The following FIGN variants were observed in gnomAD, a reference collection of about 807,000 sequenced individuals.
FIGN encodes fidgetin.
FIGN carries 11 observed loss-of-function variants against 51.3 expected under a neutral mutation model. That is an observed-to-expected ratio of 0.21 (90% CI 0.13 to 0.35). FIGN has a LOEUF of 0.35. FIGN is among the 10% of genes least tolerant of loss of function. The probability of loss-of-function intolerance (pLI) is 1.00; values close to 1 mark genes in which losing one functional copy is unlikely to be tolerated. For missense variants in FIGN, 857 were observed against 943.6 expected, an observed-to-expected ratio of 0.91 and a Z score of 1.20; for synonymous variants, 407 against 363.2, an observed-to-expected ratio of 1.12 and a Z score of -1.37.
At chr2:163,725,888 A>T (rs1284955156) in intron 2 of FIGN, among the ~76,000 whole-genome samples, 1 of 152,096 alleles carries the variant, frequency 6.6e-6, no homozygotes, top group Non-Finnish European at 1.5e-5. Flanking sequence ...AAATTACCAA[A>T]AGAATTTTGC....
At chr2:163,612,197 T>C (rs1160351795) in intron 2 of FIGN, 2 of 529,530 alleles carry the variant, frequency 3.8e-6, no homozygotes, top group African/African-American at 4.1e-5. Context: ...TAAGCAGACA[T>C]TTTAAATATC....
chr2:163,674,705 T>C (rs76348623), intron 2 of FIGN, among the ~76,000 whole-genome samples: 6,937 of 152,278 alleles, frequency 0.046, 194 homozygotes, highest in African/African-American at 0.066. Flanking sequence ...AGGAATTCTA[T>C]AGGCAACTAA....
chr2:163,631,306 C>A (rs1200388612), intron 2 of FIGN, among the ~76,000 whole-genome samples: 2 of 152,084 alleles, frequency 1.3e-5, no homozygotes, highest in Non-Finnish European at 2.9e-5. Flanking sequence ...TGTATTTGCA[C>A]AAAGAAAGGG....
chr2:163,734,155 G>A (rs566974086), intron 2 of FIGN, among the ~76,000 whole-genome samples: 2 of 150,836 alleles, frequency 1.3e-5, no homozygotes, highest in Admixed American at 6.6e-5. Flanking sequence ...GATTTCAAAC[G>A]AAGTCAATTT....
intron 2 of FIGN, among the ~76,000 whole-genome samples, chr2:163,730,658 CA>C (rs1345377390): frequency 6.6e-6 from 1 of 152,024 alleles, no homozygotes; most frequent in African/African-American, 2.4e-5. Context: ...AAGACACATA[CA>C]TTTATTTTTT....
chr2:163,660,234 A>T (rs1420079759), intron 2 of FIGN, among the ~76,000 whole-genome samples: 3 of 152,222 alleles, frequency 2.0e-5, no homozygotes, highest in Non-Finnish European at 4.4e-5. Flanking sequence ...CATAGCCTAA[A>T]TATTTCTGTA....
chr2:163,687,323 G>T (rs967948567), intron 2 of FIGN, among the ~76,000 whole-genome samples: 2 of 152,188 alleles, frequency 1.3e-5, no homozygotes, highest in Admixed American at 1.3e-4. Context: ...CAGAGCAGTG[G>T]AGAAGAAATG....
chr2:163,625,418 T>C (rs1232801476), intron 2 of FIGN, among the ~76,000 whole-genome samples: 1 of 152,008 alleles, frequency 6.6e-6, no homozygotes, highest in Non-Finnish European at 1.5e-5. Flanking sequence ...AATGTGAATA[T>C]CATTTTCCTC....
intron 2 of FIGN, among the ~76,000 whole-genome samples, chr2:163,717,908 G>A (rs1684694720): frequency 6.6e-6 from 1 of 152,124 alleles, no homozygotes; most frequent in Non-Finnish European, 1.5e-5. Flanking sequence ...GTTTAAATGA[G>A]AAGATTAATA....
chr2:163,623,517 A>G (rs1683005260), intron 2 of FIGN, among the ~76,000 whole-genome samples: 1 of 152,162 alleles, frequency 6.6e-6, no homozygotes, highest in Non-Finnish European at 1.5e-5. Flanking sequence ...CTATAGAATT[A>G]TGTTTGTGTT....
At chr2:163,654,975 T>C (rs757392833) in intron 2 of FIGN, among the ~76,000 whole-genome samples, 4 of 152,158 alleles carry the variant, frequency 2.6e-5, no homozygotes, top group Non-Finnish European at 4.4e-5. Context: ...GGATGGGAAG[T>C]TGAAGCAAGG....
At chr2:163,658,211 A>C (rs886930456) in intron 2 of FIGN, among the ~76,000 whole-genome samples, 6 of 152,158 alleles carry the variant, frequency 3.9e-5, no homozygotes, top group African/African-American at 1.4e-4. Flanking sequence ...CTCTTTACAC[A>C]TCTCACAGGC....
intron 2 of FIGN, among the ~76,000 whole-genome samples, chr2:163,700,833 G>T (rs139129021): frequency 1.8e-3 from 271 of 152,046 alleles, no homozygotes; most frequent in African/African-American, 5.7e-3. Context: ...CAGGGCCCAG[G>T]GCCCAAAACA....
intron 2 of FIGN, among the ~76,000 whole-genome samples, chr2:163,695,271 T>G (rs1345428623): frequency 1.3e-5 from 2 of 152,122 alleles, no homozygotes; most frequent in African/African-American, 4.8e-5. Flanking sequence ...CCTACAAAAT[T>G]TTCCCACTAC....
At chr2:163,633,785 A>C (rs1451150347) in intron 2 of FIGN, among the ~76,000 whole-genome samples, 3 of 152,308 alleles carry the variant, frequency 2.0e-5, no homozygotes, top group Non-Finnish European at 4.4e-5. Flanking sequence ...CCTCTGGTTC[A>C]GATCTCACTC....
intron 2 of FIGN, among the ~76,000 whole-genome samples, chr2:163,688,676 ATTGT>A (rs1348650877): frequency 6.6e-6 from 1 of 152,142 alleles, no homozygotes; most frequent in East Asian, 1.9e-4. Context: ...ACATGAACAC[ATTGT>A]TTGTGGACTA....
At position 163,607,938 on chromosome 2, in the gene FIGN, A is replaced by T. The variant is rs1243104688; in HGVS notation, c.*1614T>A. 1 of 152,716 alleles carries T rather than the reference A, an allele frequency of 6.5e-6. No individual in the cohort carries two copies. The highest frequency in any genetic ancestry group is 2.4e-5 in the African/African-American group (1 of 41,472). The allele number at this position is 152,716 out of a possible 1,614,324, so 9.5% of individuals were successfully genotyped here. A position where few individuals can be genotyped will look rare whatever the true frequency, so the allele number is the denominator to read the frequency against. ...ACAGAGAGCAGGAGAAAAATAGGAA[A>T]TTAAGAAAAATGCCACTTATGCCAT... On this transcript the variant is annotated 3_prime_UTR_variant, in exon 3 of 3. Transcript: ENST00000333129.
chr2:163,646,889 GA>G (rs1382021084), intron 2 of FIGN, among the ~76,000 whole-genome samples: 1 of 152,214 alleles, frequency 6.6e-6, no homozygotes, highest in Non-Finnish European at 1.5e-5. Context: ...ACTCATTGAA[GA>G]AGTGTAATTA....
At chr2:163,657,944 A>G (rs1157970165) in intron 2 of FIGN, among the ~76,000 whole-genome samples, 1 of 152,184 alleles carries the variant, frequency 6.6e-6, no homozygotes, top group African/African-American at 2.4e-5. Flanking sequence ...AGCTGGGAGC[A>G]ACGTAACAAC....
Sources: gnomAD v4.1 joint callset for allele counts (sites outside exome capture counted in the v4.1 genomes callset) on GRCh38, gnomAD v4.1.1 for gene constraint, MANE v1.5 for transcripts, NCBI Gene and HGNC (gene_info 2026-07-23, HGNC 2026-07-21) for gene names.